Variants in ST3GAL3 observed in about 807,000 individuals in gnomAD.
ST3GAL3 encodes the protein CMP-N-acetylneuraminate-beta-1,4-galactoside alpha-2,3-sialyltransferase.
In ST3GAL3, 21 loss-of-function variants were observed where a neutral mutation model predicts 50.1. The observed-to-expected ratio is 0.42, with a 90% CI of 0.30 to 0.60. The LOEUF (loss-of-function observed/expected upper bound fraction) is 0.60, where lower values mean the gene tolerates loss of function less well. ST3GAL3 is among the 20% of genes least tolerant of loss of function. The pLI is 0.19. For missense variants in ST3GAL3, 353 were observed against 489.4 expected, an observed-to-expected ratio of 0.72 and a Z score of 2.63; for synonymous variants, 183 against 190.0, an observed-to-expected ratio of 0.96 and a Z score of 0.30.
In ST3GAL3 at chr1:43,737,364, T is replaced by C. The variant is rs1049557154; in HGVS notation, c.118+984T>C. ...GTGAGTGGGAAGAAGCAACGGGCAA[T>C]TGGCCTGCTGTTGTTCTAAGACCCT... is the stretch of plus-strand genomic sequence containing the variant. On this transcript the variant is annotated intron_variant, in intron 2 of 11. Coordinates refer to ENST00000347631, the MANE Select transcript of ST3GAL3 (RefSeq NM_006279.5). The surrounding 1 kb of genome is among the most constrained non-coding windows in gnomAD (Gnocchi z 4.0). 2.0e-5 allele frequency: 3 copies of C among 152,210 alleles called. No homozygotes were observed. Among genetic ancestry groups the C allele is most frequent in the Non-Finnish European group, 4.4e-5 (3 of 68,038 alleles). The allele number at this position is 152,210 out of a possible 1,614,324, so 9.4% of individuals were successfully genotyped here. A position where few individuals can be genotyped will look rare whatever the true frequency, so the allele number is the denominator to read the frequency against.
chr1:43,856,155 A>C (rs1352367950), intron 5 of ST3GAL3, among the ~76,000 whole-genome samples: 1 of 152,254 alleles, frequency 6.6e-6, no homozygotes, highest in Non-Finnish European at 1.5e-5. Flanking sequence ...CAGTTGTCCA[A>C]AGAGCCAAGA....
At chr1:43,845,311 A>G (rs968375713) in intron 5 of ST3GAL3, among the ~76,000 whole-genome samples, 1 of 151,984 alleles carries the variant, frequency 6.6e-6, no homozygotes, top group African/African-American at 2.4e-5. Context: ...TATTATTATT[A>G]CAAATTAAAT....
chr1:43,780,221 C>A (rs1425404695), intron 2 of ST3GAL3, among the ~76,000 whole-genome samples: 1 of 152,094 alleles, frequency 6.6e-6, no homozygotes, highest in Admixed American at 6.5e-5. Flanking sequence ...GGTTGGAAAC[C>A]ATTTTCCCTC....
rs111355533 is a variant in ST3GAL3, at chr1:43,743,900, T to C, written c.118+7520T>C. Among the ~76,000 whole-genome samples, 806 of 144,262 alleles carry C rather than the reference T, an allele frequency of 5.6e-3. 16 individuals are homozygous for C. The highest frequency in any genetic ancestry group is 0.019 in the African/African-American group (749 of 39,470). The allele number at this position is 144,262 out of a possible 152,430, so 94.6% of individuals were successfully genotyped here. A position where few individuals can be genotyped will look rare whatever the true frequency, so the allele number is the denominator to read the frequency against. Reference sequence around the variant, plus strand: ...AGTAAGTGGTGTGTGTACACACGCATATTGTACTTTTAAGAAAACAAAATG... The same window carrying C: ...AGTAAGTGGTGTGTGTACACACGCACATTGTACTTTTAAGAAAACAAAATG... On this transcript the variant is annotated intron_variant, in intron 2 of 11. Transcript: ENST00000347631.
At chr1:43,813,095 T>A (rs955737543) in intron 3 of ST3GAL3, among the ~76,000 whole-genome samples, 9 of 152,194 alleles carry the variant, frequency 5.9e-5, no homozygotes, top group Non-Finnish European at 1.3e-4. Flanking sequence ...CCCTCATTTG[T>A]GTTATGCTCT....
intron 4 of ST3GAL3, among the ~76,000 whole-genome samples, chr1:43,821,860 ACTCC>A (rs1251086970): frequency 6.6e-6 from 1 of 152,124 alleles, no homozygotes; most frequent in Non-Finnish European, 1.5e-5. Flanking sequence ...CAAAGTGGAT[ACTCC>A]CTCATTCAGT....
At position 43,726,376 on chromosome 1, in the gene ST3GAL3, T is replaced by G. The variant is rs1484561252; in HGVS notation, c.-30-9857T>G. 3.9e-5 allele frequency among the ~76,000 whole-genome samples: 6 copies of G among 152,224 alleles called. No homozygotes were observed. The East Asian group carries it at 9.6e-4, about 24-fold the overall frequency. ...ATCTTAGCTCATTGCAGCCTCTAACTCCTGGGCTCAAGTAATCCTCCCTCC... is the reference window on the plus strand; with the variant it reads ...ATCTTAGCTCATTGCAGCCTCTAACGCCTGGGCTCAAGTAATCCTCCCTCC... On this transcript the variant is annotated intron_variant, in intron 1 of 11. Coordinates refer to ENST00000347631, the MANE Select transcript of ST3GAL3 (RefSeq NM_006279.5).
chr1:43,893,061 G>C (rs2154266011), intron 5 of ST3GAL3, among the ~76,000 whole-genome samples: 1 of 152,272 alleles, frequency 6.6e-6, no homozygotes, highest in East Asian at 1.9e-4. Context: ...CAAGAGTGAT[G>C]GGGGAGGGAG....
At chr1:43,870,139 A>G (rs1488289344) in intron 5 of ST3GAL3, among the ~76,000 whole-genome samples, 1 of 152,230 alleles carries the variant, frequency 6.6e-6, no homozygotes, top group Non-Finnish European at 1.5e-5. Flanking sequence ...CAAGTCACTC[A>G]AACTCTAAAC....
intron 9 of ST3GAL3, among the ~76,000 whole-genome samples, chr1:43,908,418 T>TA (rs1181515579): frequency 6.6e-6 from 1 of 152,164 alleles, no homozygotes; most frequent in Admixed American, 6.5e-5. Flanking sequence ...CCTGGCAACT[T>TA]ATCAGATGTA....
intron 5 of ST3GAL3, among the ~76,000 whole-genome samples, chr1:43,889,980 G>C (rs1037611477): frequency 2.6e-5 from 4 of 152,290 alleles, no homozygotes; most frequent in East Asian, 1.9e-4. Context: ...GCCAGACTTG[G>C]TGGCACATGC....
chr1:43,909,729 C>T (rs948920186), intron 9 of ST3GAL3, among the ~76,000 whole-genome samples: 23 of 152,174 alleles, frequency 1.5e-4, no homozygotes, highest in Non-Finnish European at 2.1e-4. Context: ...AAAAGACTGC[C>T]GCACAACCTT....
chr1:43,854,944 A>G (rs2068055510), intron 5 of ST3GAL3, among the ~76,000 whole-genome samples: 1 of 152,172 alleles, frequency 6.6e-6, no homozygotes, highest in South Asian at 2.1e-4. Context: ...CCACCTCTGC[A>G]GGAACCTGGA....
chr1:43,730,436 G>A (rs1007579050), intron 1 of ST3GAL3, among the ~76,000 whole-genome samples: 5 of 152,204 alleles, frequency 3.3e-5, no homozygotes, highest in South Asian at 2.1e-4. Context: ...CCTTTTGTGC[G>A]CAGACTACTT....
At chr1:43,882,956 T>TTTAC (rs2075383635) in intron 5 of ST3GAL3, among the ~76,000 whole-genome samples, 1 of 43,088 alleles carries the variant, frequency 2.3e-5, no homozygotes, top group Admixed American at 2.9e-4. Context: ...TATTTATTTA[T>TTTAC]TTATTTATTT....
intron 4 of ST3GAL3, 122 bp downstream of exon 4, chr1:43,815,055 TC>T: frequency 1.0e-6 from 1 of 990,708 alleles, no homozygotes. Flanking sequence ...GGGGCCTCTG[TC>T]CTCAGGCTGT....
At chr1:43,856,434 G>A (rs1233704707) in intron 5 of ST3GAL3, among the ~76,000 whole-genome samples, 1 of 152,174 alleles carries the variant, frequency 6.6e-6, no homozygotes, top group Non-Finnish European at 1.5e-5. Context: ...ACCCCACCCT[G>A]TCCTGAATCG....
At chr1:43,923,672 G>A (rs2083435031) in intron 11 of ST3GAL3, among the ~76,000 whole-genome samples, 1 of 152,116 alleles carries the variant, frequency 6.6e-6, no homozygotes, top group Non-Finnish European at 1.5e-5. Context: ...CTGGAGTGCA[G>A]TGGTGTGATG....
At chr1:43,707,929 G>C (rs1260184911) in intron 1 of ST3GAL3, 1 of 152,390 alleles carries the variant, frequency 6.6e-6, no homozygotes, top group Admixed American at 6.5e-5. Context: ...GGGAAAGGCC[G>C]GCCGGACGCA....
Sources: gnomAD v4.1 joint callset for allele counts (sites outside exome capture counted in the v4.1 genomes callset) on GRCh38, gnomAD v4.1.1 for gene constraint, Gnocchi (gnomAD v3.1) non-coding constraint, MANE v1.5 for transcripts, NCBI Gene and HGNC (gene_info 2026-07-23, HGNC 2026-07-21) for gene names.